Variants in GRAMD1B observed in about 807,000 individuals in gnomAD.
GRAMD1B encodes GRAM domain containing 1B.
GRAMD1B carries 37 observed loss-of-function variants against 99.7 expected under a neutral mutation model. That is an observed-to-expected ratio of 0.37 (90% CI 0.29 to 0.49). The LOEUF is 0.49. GRAMD1B is among the 20% of genes least tolerant of loss of function. The pLI, the probability that GRAMD1B is intolerant of heterozygous loss-of-function variation, is 0.98. For synonymous variants in GRAMD1B, 427 were observed against 387.6 expected (o/e 1.10, Z -1.19); for missense variants, 888 against 1,009.2 (o/e 0.88, Z 1.63).
chr11:123,547,687 T>C (rs571281825), intron 2 of GRAMD1B, among the ~76,000 whole-genome samples: 1 of 152,362 alleles, frequency 6.6e-6, no homozygotes, highest in Admixed American at 6.5e-5. Context: ...ACATGCCTAG[T>C]TACTTTACAG....
At chr11:123,479,589 G>C (rs1012254365) in intron 1 of GRAMD1B, among the ~76,000 whole-genome samples, 1 of 152,074 alleles carries the variant, frequency 6.6e-6, no homozygotes, top group Non-Finnish European at 1.5e-5. Context: ...CCAACTTCCT[G>C]GTAATAAGGA....
chr11:123,407,398 A>C (rs780023202), intron 1 of GRAMD1B, among the ~76,000 whole-genome samples: 1 of 152,146 alleles, frequency 6.6e-6, no homozygotes, highest in African/African-American at 2.4e-5. Context: ...AAACTTCCTC[A>C]GGGAACTTTG....
chr11:123,564,279 G>T (rs547940471), intron 2 of GRAMD1B, among the ~76,000 whole-genome samples: 1 of 152,326 alleles, frequency 6.6e-6, no homozygotes, highest in East Asian at 1.9e-4. Context: ...TGGATGCTTT[G>T]CCTAATTTAG....
chr11:123,438,469 A>G (rs918456243), intron 1 of GRAMD1B, among the ~76,000 whole-genome samples: 1 of 151,952 alleles, frequency 6.6e-6, no homozygotes, highest in Non-Finnish European at 1.5e-5. Context: ...AGGTTGTGGG[A>G]AGCAGAGAGG....
At chr11:123,527,056 T>C (rs1433476578) in intron 2 of GRAMD1B, among the ~76,000 whole-genome samples, 1 of 152,080 alleles carries the variant, frequency 6.6e-6, no homozygotes, top group Non-Finnish European at 1.5e-5. Context: ...GGAGAAAGGC[T>C]CCTTGGACTG....
At chr11:123,396,518 C>T (rs149061063) in intron 1 of GRAMD1B, among the ~76,000 whole-genome samples, 3,920 of 152,178 alleles carry the variant, frequency 0.026, 104 homozygotes, top group African/African-American at 0.064. Context: ...TCAGGGGATC[C>T]GCCCGCCTCA....
chr11:123,567,125 A>G (rs1003498425), intron 2 of GRAMD1B, among the ~76,000 whole-genome samples: 2 of 144,294 alleles, frequency 1.4e-5, no homozygotes, highest in Non-Finnish European at 3.0e-5. Flanking sequence ...TCAAAATGTT[A>G]GAGTAAGAGT....
chr11:123,388,041 G>A (rs573095870), intron 1 of GRAMD1B, among the ~76,000 whole-genome samples: 9 of 147,536 alleles, frequency 6.1e-5, no homozygotes, highest in South Asian at 4.3e-4. Flanking sequence ...CAGGAGAATC[G>A]CTTGAACCCA....
intron 2 of GRAMD1B, among the ~76,000 whole-genome samples, chr11:123,532,391 C>G (rs1943483235): frequency 6.6e-6 from 1 of 152,202 alleles, no homozygotes; most frequent in Admixed American, 6.5e-5. Context: ...GTCACGTGGC[C>G]CTGCCTGACT....
At chr11:123,570,087 A>G (rs140376498) in intron 2 of GRAMD1B, among the ~76,000 whole-genome samples, 1,745 of 152,326 alleles carry the variant, frequency 0.011, 12 homozygotes, top group Non-Finnish European at 0.018. Context: ...GGTCTCTGTC[A>G]CTTTTGGCAG....
intron 2 of GRAMD1B, among the ~76,000 whole-genome samples, chr11:123,497,314 G>A (rs1003586481): frequency 8.5e-5 from 13 of 152,196 alleles, no homozygotes; most frequent in African/African-American, 3.1e-4. Context: ...TGAGAGTAGG[G>A]AAACAGAAGC....
chr11:123,509,424 T>C lies in GRAMD1B; in HGVS notation c.452+28531T>C, dbSNP rs184159616. 5.9e-4 allele frequency among the ~76,000 whole-genome samples: 90 copies of C among 152,282 alleles called. 1 individual carries two copies. Among genetic ancestry groups the C allele is most frequent in the Non-Finnish European group, 1.5e-4 (10 of 68,014 alleles). On this transcript the variant is annotated intron_variant, in intron 2 of 19. Transcript: ENST00000635736. ...AGATGCCTCAGGAAGGACATGGGTG[T>C]TTTTCCATAGATTATTCTTTCTGAT...
intron 2 of GRAMD1B, among the ~76,000 whole-genome samples, chr11:123,497,865 C>G (rs1476692202): frequency 6.7e-6 from 1 of 149,324 alleles, no homozygotes; most frequent in Non-Finnish European, 1.5e-5. Flanking sequence ...TTCGCCACCA[C>G]TCCCCAGCCT....
At chr11:123,441,293 C>A (rs1949394862) in intron 1 of GRAMD1B, among the ~76,000 whole-genome samples, 2 of 152,074 alleles carry the variant, frequency 1.3e-5, no homozygotes. Flanking sequence ...AGATCCTCCC[C>A]CACAGCCCAA....
intron 2 of GRAMD1B, among the ~76,000 whole-genome samples, chr11:123,542,894 TC>T (rs1944683074): frequency 6.6e-6 from 1 of 152,172 alleles, no homozygotes; most frequent in African/African-American, 2.4e-5. Flanking sequence ...CCTCAGGTGA[TC>T]CACTCGCCTC....
chr11:123,563,585 C>T (rs1001274084), intron 2 of GRAMD1B, among the ~76,000 whole-genome samples: 5 of 151,178 alleles, frequency 3.3e-5, no homozygotes, highest in African/African-American at 1.2e-4. Context: ...GATGTCGGCT[C>T]ACTGCAACCT....
At chr11:123,464,383 G>A (rs937607777) in intron 1 of GRAMD1B, among the ~76,000 whole-genome samples, 13 of 152,168 alleles carry the variant, frequency 8.5e-5, no homozygotes, top group Admixed American at 3.3e-4. Flanking sequence ...GCATCCACTT[G>A]TAGACGCCGA....
chr11:123,565,202 C>CTTTT (rs59084399), intron 2 of GRAMD1B, among the ~76,000 whole-genome samples: 3 of 126,242 alleles, frequency 2.4e-5, no homozygotes, highest in Admixed American at 8.1e-5. Flanking sequence ...CTGGCTAATT[C>CTTTT]TTTTTTTTTT....
intron 2 of GRAMD1B, among the ~76,000 whole-genome samples, chr11:123,543,240 G>C (rs544269090): frequency 2.0e-4 from 31 of 152,172 alleles, no homozygotes; most frequent in Non-Finnish European, 3.7e-4. Context: ...CAAGGTAGAG[G>C]TGAAATGCTT....
Sources: gnomAD v4.1 joint callset for allele counts (sites outside exome capture counted in the v4.1 genomes callset) on GRCh38, gnomAD v4.1.1 for gene constraint, MANE v1.5 for transcripts, NCBI Gene and HGNC (gene_info 2026-07-23, HGNC 2026-07-21) for gene names.